SNTG1: variants seen among roughly 807,000 people sequenced by gnomAD.
SNTG1 encodes the protein syntrophin gamma 1, also known as gamma-1-syntrophin.
In SNTG1, 39 loss-of-function variants were observed where a neutral mutation model predicts 74.7. That is an observed-to-expected ratio of 0.52 (90% CI 0.40 to 0.68). The LOEUF is 0.68. Ranked by LOEUF, SNTG1 falls within the 30% of genes least tolerant of loss-of-function variation. The pLI, the probability that SNTG1 is intolerant of heterozygous loss-of-function variation, is 0.00. For synonymous variants in SNTG1, 254 were observed against 217.1 expected, an observed-to-expected ratio of 1.17 and a Z score of -1.49; for missense variants, 685 against 609.5, an observed-to-expected ratio of 1.12 and a Z score of -1.30.
intron 8 of SNTG1, among the ~76,000 whole-genome samples, chr8:50,459,930 A>C (rs1230792212): frequency 6.6e-6 from 1 of 152,176 alleles, no homozygotes; most frequent in Non-Finnish European, 1.5e-5. Context: ...ACTTAGGTTG[A>C]TTCTGTGACC....
At chr8:50,217,407 A>G (rs2084844934) in intron 2 of SNTG1, among the ~76,000 whole-genome samples, 1 of 151,288 alleles carries the variant, frequency 6.6e-6, no homozygotes, top group Non-Finnish European at 1.5e-5. Flanking sequence ...AATCTTAAAA[A>G]CTCTATTTCC....
intron 2 of SNTG1, among the ~76,000 whole-genome samples, chr8:50,368,058 G>A (rs1187470121): frequency 6.6e-6 from 1 of 152,166 alleles, no homozygotes; most frequent in Non-Finnish European, 1.5e-5. Context: ...GGGAGGAAAA[G>A]AGGAGAGCTG....
intron 1 of SNTG1, among the ~76,000 whole-genome samples, chr8:50,114,760 G>T (rs2080746173): frequency 6.6e-6 from 1 of 152,148 alleles, no homozygotes; most frequent in African/African-American, 2.4e-5. Context: ...AGCTACTCTG[G>T]AGGCTGAGGC....
At chr8:50,550,350 A>T (rs181854656) in intron 11 of SNTG1, among the ~76,000 whole-genome samples, 32 of 152,324 alleles carry the variant, frequency 2.1e-4, no homozygotes, top group Middle Eastern at 3.4e-3. Flanking sequence ...TGTGCATGAA[A>T]GTACATGCCC....
intron 2 of SNTG1, among the ~76,000 whole-genome samples, chr8:50,328,566 TA>T (rs2090843676): frequency 6.6e-6 from 1 of 152,118 alleles, no homozygotes; most frequent in African/African-American, 2.4e-5. Context: ...GTCAAACACT[TA>T]TAAAACCATC....
intron 15 of SNTG1, among the ~76,000 whole-genome samples, chr8:50,694,981 C>T (rs557787160): frequency 6.6e-6 from 1 of 151,564 alleles, no homozygotes; most frequent in Non-Finnish European, 1.5e-5. Context: ...CAACATTATT[C>T]TCAACAAGGA....
At chr8:50,270,139 A>G (rs1473914125) in intron 2 of SNTG1, among the ~76,000 whole-genome samples, 1 of 152,156 alleles carries the variant, frequency 6.6e-6, no homozygotes, top group African/African-American at 2.4e-5. Context: ...CAATCAGCCT[A>G]TTTCTTCCAA....
chr8:50,094,509 A>G (rs2079856718), intron 1 of SNTG1, among the ~76,000 whole-genome samples: 1 of 152,180 alleles, frequency 6.6e-6, no homozygotes, highest in Non-Finnish European at 1.5e-5. Flanking sequence ...AACCCTATTA[A>G]AAAATGAGCA....
chr8:49,956,787 A>G (rs530059553), intron 1 of SNTG1, among the ~76,000 whole-genome samples: 8 of 152,240 alleles, frequency 5.3e-5, no homozygotes, highest in African/African-American at 1.9e-4. Context: ...ACAAAGAAAA[A>G]AAATGGGACT....
At chr8:49,946,919 T>C (rs572782959) in intron 1 of SNTG1, among the ~76,000 whole-genome samples, 15 of 152,366 alleles carry the variant, frequency 9.8e-5, no homozygotes, top group South Asian at 4.1e-4. Flanking sequence ...TCAATGATTA[T>C]ATTAGCATAT....
intron 1 of SNTG1, among the ~76,000 whole-genome samples, chr8:50,129,318 G>C (rs1037685374): frequency 6.6e-6 from 1 of 152,106 alleles, no homozygotes; most frequent in Non-Finnish European, 1.5e-5. Flanking sequence ...TTGTTTCAAG[G>C]CTTCATAGCA....
At chr8:49,959,433 G>T (rs1156352945) in intron 1 of SNTG1, among the ~76,000 whole-genome samples, 1 of 152,168 alleles carries the variant, frequency 6.6e-6, no homozygotes. Context: ...TTGTTAGCAC[G>T]CTAGCAGTCA....
chr8:50,414,112 C>T (rs1299901519), intron 4 of SNTG1, among the ~76,000 whole-genome samples: 2 of 152,140 alleles, frequency 1.3e-5, no homozygotes, highest in Non-Finnish European at 2.9e-5. Flanking sequence ...TCCATTTCCT[C>T]CTGGGATTTC....
At chr8:49,927,000 C>T (rs954178958) in intron 1 of SNTG1, among the ~76,000 whole-genome samples, 5 of 152,062 alleles carry the variant, frequency 3.3e-5, no homozygotes, top group Non-Finnish European at 4.4e-5. Context: ...ATGCTCAACA[C>T]CTTATGTCAT....
intron 17 of SNTG1, among the ~76,000 whole-genome samples, chr8:50,725,974 T>C (rs2095499092): frequency 1.3e-5 from 2 of 152,320 alleles, no homozygotes; most frequent in South Asian, 2.1e-4. Flanking sequence ...GAAAAAGAAA[T>C]GAACTTCTAC....
chr8:50,014,295 C>G (rs1042021930), intron 1 of SNTG1, among the ~76,000 whole-genome samples: 2 of 152,064 alleles, frequency 1.3e-5, no homozygotes, highest in Non-Finnish European at 2.9e-5. Flanking sequence ...TGATTTGACC[C>G]ACAGCTCAAC....
At chr8:50,602,235 A>T (rs940843466) in intron 13 of SNTG1, among the ~76,000 whole-genome samples, 8 of 150,202 alleles carry the variant, frequency 5.3e-5, no homozygotes, top group Non-Finnish European at 1.0e-4. Flanking sequence ...ACATGATTTT[A>T]TCTGGTGGTA....
At chr8:50,090,951 C>A (rs905198724) in intron 1 of SNTG1, among the ~76,000 whole-genome samples, 8 of 152,036 alleles carry the variant, frequency 5.3e-5, no homozygotes, top group Admixed American at 4.6e-4. Flanking sequence ...ATAGAAAGGA[C>A]TAGTTTACTA....
At chr8:50,242,687 ATTTG>A (rs2086218819) in intron 2 of SNTG1, among the ~76,000 whole-genome samples, 1 of 151,096 alleles carries the variant, frequency 6.6e-6, no homozygotes, top group East Asian at 1.9e-4. Context: ...CTTTCCATTA[ATTTG>A]TTTGTATAGC....
Sources: allele counts gnomAD v4.1 joint callset (sites outside exome capture counted in the v4.1 genomes callset), GRCh38; gene constraint gnomAD v4.1.1; transcripts MANE v1.5; gene names NCBI Gene and HGNC (gene_info 2026-07-23, HGNC 2026-07-21).